Variants in AKR1C8 observed in about 807,000 individuals in gnomAD.
The protein encoded by AKR1C8 is aldo-keto reductase family 1 member C8, also known as aldo-keto reductase family 1 member C-like protein 1.
chr10:5,138,982 A>T, the AKR1C8 span, among the ~76,000 whole-genome samples: 7 of 152,242 alleles, frequency 4.6e-5, no homozygotes, highest in Admixed American at 2.0e-4. Flanking sequence ...AAAATCAATG[A>T]GCAAAAATCA....
At chr10:5,176,242 C>A in the AKR1C8 span, among the ~76,000 whole-genome samples, 1 of 129,570 alleles carries the variant, frequency 7.7e-6, no homozygotes, top group African/African-American at 2.7e-5. Flanking sequence ...GGATTCCTTT[C>A]CCCATTGCTT....
the AKR1C8 span, chr10:5,184,883 C>G: frequency 1.3e-4 from 45 of 349,676 alleles, no homozygotes; most frequent in Admixed American, 1.6e-3. Context: ...AAGTTAGAGA[C>G]AGTTAAATGA....
the AKR1C8 span, among the ~76,000 whole-genome samples, chr10:5,116,283 G>A: frequency 0.84 from 128,354 of 151,946 alleles, 54,242 homozygotes; most frequent in Middle Eastern, 0.91. Context: ...CCAGATGACT[G>A]TCTTTCAGTT....
the AKR1C8 span, chr10:5,154,151 C>T: frequency 6.4e-5 from 30 of 470,048 alleles, no homozygotes; most frequent in Non-Finnish European, 1.2e-4. Context: ...CAATATTCTT[C>T]AGAAAATGGA....
the AKR1C8 span, among the ~76,000 whole-genome samples, chr10:5,140,533 A>G: frequency 6.6e-6 from 1 of 152,112 alleles, no homozygotes; most frequent in Non-Finnish European, 1.5e-5. Flanking sequence ...CATTCTGAGC[A>G]AACAATCTCA....
At chr10:5,167,531 A>G in the AKR1C8 span, among the ~76,000 whole-genome samples, 2 of 152,204 alleles carry the variant, frequency 1.3e-5, no homozygotes, top group Non-Finnish European at 2.9e-5. Flanking sequence ...AACTATCGCA[A>G]GGACAAAAAA....
chr10:5,150,358 T>A, the AKR1C8 span, among the ~76,000 whole-genome samples: 11 of 152,006 alleles, frequency 7.2e-5, no homozygotes, highest in Admixed American at 5.9e-4. Context: ...CAAAGGAATA[T>A]TTTATGCCAT....
At chr10:5,120,524 C>A in the AKR1C8 span, among the ~76,000 whole-genome samples, 5 of 151,840 alleles carry the variant, frequency 3.3e-5, no homozygotes. Flanking sequence ...TTGTCCTTTC[C>A]AACTGAATGT....
the AKR1C8 span, among the ~76,000 whole-genome samples, chr10:5,143,927 A>G: frequency 2.0e-5 from 3 of 151,966 alleles, no homozygotes; most frequent in Admixed American, 2.0e-4. Flanking sequence ...ATTTCCAATA[A>G]TACAGAAAGT....
the AKR1C8 span, among the ~76,000 whole-genome samples, chr10:5,175,423 C>T: frequency 6.6e-6 from 1 of 152,068 alleles, no homozygotes; most frequent in Admixed American, 6.6e-5. Context: ...GTGAATAGTG[C>T]TGCAATAAAC....
At chr10:5,182,604 C>T in the AKR1C8 span, among the ~76,000 whole-genome samples, 2,682 of 152,132 alleles carry the variant, frequency 0.018, 76 homozygotes, top group African/African-American at 0.061. Context: ...AATTTAAAAA[C>T]CCTATATAAA....
the AKR1C8 span, among the ~76,000 whole-genome samples, chr10:5,118,503 A>C: frequency 1.4e-3 from 216 of 152,322 alleles, no homozygotes; most frequent in African/African-American, 4.5e-3. Context: ...GTGGAGGGAA[A>C]GTTAGAGTAG....
At chr10:5,123,858 G>C in the AKR1C8 span, 1 of 1,577,472 alleles carries the variant, frequency 6.3e-7, no homozygotes, top group Non-Finnish European at 8.7e-7. Flanking sequence ...CAGATAATAT[G>C]AAACAGTTAT....
At chr10:5,177,777 G>A in the AKR1C8 span, among the ~76,000 whole-genome samples, 1 of 152,220 alleles carries the variant, frequency 6.6e-6, no homozygotes, top group Admixed American at 6.5e-5. Flanking sequence ...AGAGGTGTTT[G>A]TAGTATTCTC....
chr10:5,133,695 ACAAG>A, the AKR1C8 span, among the ~76,000 whole-genome samples: 1 of 152,182 alleles, frequency 6.6e-6, no homozygotes, highest in South Asian at 2.1e-4. Context: ...CACACTTTGT[ACAAG>A]CAGTTAATTA....
the AKR1C8 span, among the ~76,000 whole-genome samples, chr10:5,160,550 A>G: frequency 6.6e-6 from 1 of 152,112 alleles, no homozygotes; most frequent in Admixed American, 6.5e-5. Context: ...CTGACCCCTT[A>G]TAGGGCTCAC....
chr10:5,159,387 A>T, the AKR1C8 span, among the ~76,000 whole-genome samples: 1 of 152,174 alleles, frequency 6.6e-6, no homozygotes, highest in Non-Finnish European at 1.5e-5. Flanking sequence ...GATTTCTTTC[A>T]TAAAACCGAA....
the AKR1C8 span, among the ~76,000 whole-genome samples, chr10:5,124,331 A>G: frequency 1.3e-5 from 2 of 152,218 alleles, no homozygotes; most frequent in Non-Finnish European, 2.9e-5. Context: ...AGAGATTAAA[A>G]GAGAGAGCAA....
the AKR1C8 span, among the ~76,000 whole-genome samples, chr10:5,145,398 A>G: frequency 6.6e-6 from 1 of 152,236 alleles, no homozygotes; most frequent in South Asian, 2.1e-4. Context: ...CTACCATCAG[A>G]GTGAACAGGC....
Sources: allele counts gnomAD v4.1 joint callset (sites outside exome capture counted in the v4.1 genomes callset), GRCh38; gene constraint gnomAD v4.1.1; transcripts MANE v1.5; gene names NCBI Gene and HGNC (gene_info 2026-07-23, HGNC 2026-07-21).